The following ATP13A4 variants were observed in gnomAD, a reference collection of about 807,000 sequenced individuals.
ATP13A4 encodes the protein ATPase 13A4, also known as probable cation-transporting ATPase 13A4.
In ATP13A4, 114 loss-of-function variants were observed where a neutral mutation model predicts 142.5. That is an observed-to-expected ratio of 0.80 (90% CI 0.69 to 0.93). ATP13A4 has a LOEUF of 0.93. ATP13A4 is among the 40% of genes least tolerant of loss of function. The pLI is 0.00. For synonymous variants in ATP13A4, 488 were observed against 514.8 expected, an observed-to-expected ratio of 0.95 and a Z score of 0.70; for missense variants, 1,392 against 1,454.0, an observed-to-expected ratio of 0.96 and a Z score of 0.69.
chr3:193,462,222 CAAAAA>C (rs57279285), intron 13 of ATP13A4, among the ~76,000 whole-genome samples: 2 of 109,816 alleles, frequency 1.8e-5, no homozygotes, highest in Non-Finnish European at 3.8e-5. Flanking sequence ...AACTCCGTCT[CAAAAA>C]AAAAAAAAAA....
intron 8 of ATP13A4, among the ~76,000 whole-genome samples, chr3:193,483,158 C>T (rs1241311159): frequency 6.6e-6 from 1 of 152,006 alleles, no homozygotes; most frequent in Non-Finnish European, 1.5e-5. Context: ...TTATAAAAGA[C>T]CCAAAGAATA....
chr3:193,447,329 G>C (rs1717014062), intron 18 of ATP13A4, among the ~76,000 whole-genome samples: 1 of 152,128 alleles, frequency 6.6e-6, no homozygotes, highest in South Asian at 2.1e-4. Context: ...AGATCCTCTT[G>C]GATTGTGGGG....
At chr3:193,445,342 A>T (rs979027436) in intron 18 of ATP13A4, among the ~76,000 whole-genome samples, 2 of 152,106 alleles carry the variant, frequency 1.3e-5, no homozygotes, top group African/African-American at 4.8e-5. Context: ...AGGCTGAGGC[A>T]GGAGAATCAC....
At chr3:193,545,971 A>C (rs1723197750) in intron 1 of ATP13A4, among the ~76,000 whole-genome samples, 1 of 122,344 alleles carries the variant, frequency 8.2e-6, no homozygotes, top group Non-Finnish European at 1.7e-5. Context: ...AAAATGTTTA[A>C]ATTGTGTGTG....
At chr3:193,454,782 C>T (rs1717489397) in intron 16 of ATP13A4, among the ~76,000 whole-genome samples, 1 of 152,150 alleles carries the variant, frequency 6.6e-6, no homozygotes, top group Non-Finnish European at 1.5e-5. Flanking sequence ...CTAGGCAATA[C>T]CATTCTGGAT....
intron 3 of ATP13A4, among the ~76,000 whole-genome samples, chr3:193,500,269 G>T (rs75291950): frequency 0.012 from 1,793 of 152,144 alleles, 40 homozygotes; most frequent in African/African-American, 0.042. Flanking sequence ...GTAATTTCTT[G>T]TTAGAACATG....
intron 1 of ATP13A4, among the ~76,000 whole-genome samples, chr3:193,519,626 A>ATTTT (rs147173408): frequency 5.8e-5 from 4 of 69,040 alleles, no homozygotes; most frequent in African/African-American, 7.0e-5. Flanking sequence ...GCAATTTGTA[A>ATTTT]TTTTTTTTTT....
At chr3:193,579,876 TATA>T (rs1481247746) in intron 2 of ATP13A4, among the ~76,000 whole-genome samples, 17 of 152,246 alleles carry the variant, frequency 1.1e-4, no homozygotes, top group Middle Eastern at 3.2e-3. Flanking sequence ...TAACTAATTT[TATA>T]ATGAGATACA....
Position 193,573,285 on chromosome 3 carries a change from A to ATG in ATP13A4, n.291+8421_291+8422insCA, listed in dbSNP as rs1560287259. 2.2e-3 allele frequency among the ~76,000 whole-genome samples: 220 copies of ATG among 98,062 alleles called. 4 individuals are homozygous for ATG. The highest frequency in any genetic ancestry group is 0.011 in the African/African-American group (212 of 20,042). 64.3% of individuals were successfully genotyped at this position (98,062 alleles called of 152,430 possible). ...CATATATATATATATACATATATAT[A>ATG]TATACACATATATATATATATACAT... is the stretch of plus-strand genomic sequence containing the variant. On this transcript the variant is annotated intron_variant and non_coding_transcript_variant, in intron 2 of 3. Coordinates refer to the ATP13A4 transcript ENST00000489140.
Position 193,582,050 on chromosome 3 carries a change from T to C in ATP13A4, n.92-144A>G, listed in dbSNP as rs180780286. The C allele has an allele frequency of 3.3e-5, 5 of 151,318 alleles. No individual in the cohort carries two copies. In the East Asian group the frequency reaches 5.8e-4, roughly 18 times the overall value. 9.4% of individuals were successfully genotyped at this position (151,318 alleles called of 1,614,324 possible). A position where few individuals can be genotyped will look rare whatever the true frequency, so the allele number is the denominator to read the frequency against. On this transcript the variant is annotated intron_variant and non_coding_transcript_variant, in intron 1 of 3. Coordinates refer to the ATP13A4 transcript ENST00000489140. ...GATTAGCAGTCCCTGGTGCAGATTTTCTAATTAATTACTAAAATACCTGAA... is the reference window on the plus strand; with the variant it reads ...GATTAGCAGTCCCTGGTGCAGATTTCCTAATTAATTACTAAAATACCTGAA...
intron 1 of ATP13A4, among the ~76,000 whole-genome samples, chr3:193,590,301 T>G (rs1724738393): frequency 6.6e-6 from 1 of 152,160 alleles, no homozygotes; most frequent in Non-Finnish European, 1.5e-5. Context: ...CCTTGTGTGC[T>G]GAGTCCACCT....
intron 8 of ATP13A4, among the ~76,000 whole-genome samples, chr3:193,478,650 C>G (rs748199800): frequency 2.7e-5 from 4 of 150,788 alleles, no homozygotes; most frequent in African/African-American, 9.9e-5. Flanking sequence ...AAAAAAAGTC[C>G]AGGACCAGAT....
Position 193,425,849 on chromosome 3 carries a change from A to C in ATP13A4, c.2842+7996T>G, listed in dbSNP as rs113170395. Among the ~76,000 whole-genome samples the C allele has an allele frequency of 6.7e-3, 1,023 of 151,836 alleles. 19 individuals carry two copies. Among genetic ancestry groups the C allele is most frequent in the African/African-American group, 0.023 (952 of 41,488 alleles). ...AACAATAGCAGACTTTATATTTCAA[A>C]ATTGCTAAAAAAGAGAATTCTGAAT... On this transcript the variant is annotated intron_variant, in intron 25 of 29. Transcript: ENST00000342695.
Position 193,436,411 on chromosome 3 carries a change from C to T in ATP13A4, c.2673-667G>A, listed in dbSNP as rs78631274. On this transcript the variant is annotated intron_variant, in intron 23 of 29. Coordinates refer to ENST00000342695, the MANE Select transcript of ATP13A4 (RefSeq NM_032279.4). ...TGTCACTTTTATCTTCTATTTCATT[C>T]GGTGAAAAATAAAGTTTAAGTTACA... Among the ~76,000 whole-genome samples, 1,400 of 151,816 alleles carry T rather than the reference C, an allele frequency of 9.2e-3. 6 individuals are homozygous for T. Among genetic ancestry groups the T allele is most frequent in the Non-Finnish European group, 0.014 (924 of 67,938 alleles).
rs557385571 is a variant in ATP13A4 at position 193,471,891 on chromosome 3, C to T, written c.809-898G>A. On this transcript the variant is annotated intron_variant, in intron 8 of 29. Coordinates refer to ENST00000342695, the MANE Select transcript of ATP13A4 (RefSeq NM_032279.4). ...GCAGGGGGCTGGGTGGGGTGGCAGG[C>T]TGCTCTGGGGTATTGGATCCTAAGC... Among the ~76,000 whole-genome samples, 73 of 152,270 alleles carry T rather than the reference C, an allele frequency of 4.8e-4. No homozygotes were observed. In the South Asian group the frequency reaches 1.0e-2, roughly 21 times the overall value.
intron 2 of ATP13A4, among the ~76,000 whole-genome samples, chr3:193,563,951 A>C (rs1277965857): frequency 6.6e-6 from 1 of 152,226 alleles, no homozygotes; most frequent in African/African-American, 2.4e-5. Flanking sequence ...CTTCTAAATT[A>C]GTATTAGAAG....
At chr3:193,483,064 T>A (rs1361612921) in intron 8 of ATP13A4, among the ~76,000 whole-genome samples, 1 of 152,008 alleles carries the variant, frequency 6.6e-6, no homozygotes, top group Non-Finnish European at 1.5e-5. Context: ...ATAAAAGGAA[T>A]CAATGATTGA....
chr3:193,588,028 G>C (rs2108749848), intron 1 of ATP13A4, among the ~76,000 whole-genome samples: 1 of 152,154 alleles, frequency 6.6e-6, no homozygotes, highest in Non-Finnish European at 1.5e-5. Flanking sequence ...ATCTACTTAA[G>C]AGGCTGAAAA....
intron 2 of ATP13A4, among the ~76,000 whole-genome samples, chr3:193,573,308 C>T (rs187647097): frequency 0.088 from 9,003 of 102,748 alleles, 734 homozygotes; most frequent in African/African-American, 0.12. Context: ...TATATATATA[C>T]ATATATATAT....
Sources: allele counts gnomAD v4.1 joint callset (sites outside exome capture counted in the v4.1 genomes callset), GRCh38; gene constraint gnomAD v4.1.1; transcripts MANE v1.5; gene names NCBI Gene and HGNC (gene_info 2026-07-23, HGNC 2026-07-21).